MCTP2: variants seen among roughly 807,000 people sequenced by gnomAD.
MCTP2 encodes multiple C2 and transmembrane domain containing 2.
Under a neutral mutation model 111.6 loss-of-function variants are expected in MCTP2, and 132 were observed. That is an observed-to-expected ratio of 1.18 (90% CI 1.03 to 1.37). The LOEUF is 1.37. Among genes scored for constraint, MCTP2 ranks in the 40% most tolerant of loss-of-function variants. MCTP2 has a pLI of 0.00. For missense variants in MCTP2, 1,183 were observed against 1,067.9 expected (o/e 1.11, Z -1.50); for synonymous variants, 395 against 387.7 (o/e 1.02, Z -0.22).
intron 17 of MCTP2, among the ~76,000 whole-genome samples, chr15:94,415,349 T>C (rs1423167853): frequency 6.6e-6 from 1 of 152,146 alleles, no homozygotes; most frequent in Non-Finnish European, 1.5e-5. Context: ...AAACTCTGAA[T>C]TAGGAGTGAA....
chr15:94,470,163 C>CA (rs1412918938), intron 20 of MCTP2, among the ~76,000 whole-genome samples, 170 bp from the exon 21 acceptor site: 3 of 152,090 alleles, frequency 2.0e-5, no homozygotes, highest in Non-Finnish European at 4.4e-5. Context: ...AATGTTTTTC[C>CA]AGTACCCAAT....
intron 1 of MCTP2, among the ~76,000 whole-genome samples, chr15:94,290,500 T>C (rs576775731): frequency 6.6e-6 from 1 of 151,334 alleles, no homozygotes; most frequent in African/African-American, 2.4e-5. Flanking sequence ...ACAGAAAAAA[T>C]GAAAAACAGA....
chr15:94,315,232 C>T (rs778227526), intron 3 of MCTP2, among the ~76,000 whole-genome samples: 4 of 152,082 alleles, frequency 2.6e-5, no homozygotes, highest in Non-Finnish European at 5.9e-5. Context: ...ACAAGGGATC[C>T]TGCAGTAATT....
At chr15:94,265,861 C>G (rs1407318322) in intron 1 of MCTP2, among the ~76,000 whole-genome samples, 1 of 152,148 alleles carries the variant, frequency 6.6e-6, no homozygotes, top group African/African-American at 2.4e-5. Context: ...TTAGCAGAAG[C>G]AATGTAATTA....
chr15:94,234,162 A>C (rs374364956), intron 1 of MCTP2, among the ~76,000 whole-genome samples: 1 of 152,144 alleles, frequency 6.6e-6, no homozygotes, highest in East Asian at 1.9e-4. Flanking sequence ...AGGTGTTCTC[A>C]TGGGGAACCA....
Position 94,315,593 on chromosome 15 carries a change from T to C in MCTP2, c.593T>C (p.Ile198Thr), listed in dbSNP as rs776602463. The C allele has an allele frequency of 1.4e-5, 23 of 1,614,038 alleles. No homozygotes were observed. The highest frequency in any genetic ancestry group is 2.7e-5 in the African/African-American group (2 of 74,910). ...LPSPFAYLLT[I>T]HLKEGRNLVV... ...AGCCCTTTTGCGTACCTCCTCACCA[T>C]ACACCTGAAGGAAGGCCGGAACCTG... is the stretch of plus-strand genomic sequence containing the variant. Residue 198 changes from isoleucine to threonine, a missense_variant, in exon 4 of 23, where the codon ATA becomes ACA. Ile to Thr is a moderately conservative substitution (Grantham distance 89). Transcript: ENST00000357742.
chr15:94,317,692 ACT>A (rs1329348704), intron 4 of MCTP2, among the ~76,000 whole-genome samples: 2 of 151,906 alleles, frequency 1.3e-5, no homozygotes, highest in East Asian at 1.9e-4. Flanking sequence ...CTTTGCTGTG[ACT>A]CTCTACTGCT....
chr15:94,461,214 C>T (rs1016723765), intron 20 of MCTP2, among the ~76,000 whole-genome samples: 4 of 152,190 alleles, frequency 2.6e-5, no homozygotes, highest in Non-Finnish European at 2.9e-5. Flanking sequence ...AATCCCAGCA[C>T]TTTGGGAGGC....
rs944794621 is a variant in MCTP2 at position 94,479,432 on chromosome 15, C to T, written c.*398C>T. 1.4e-5 allele frequency: 3 copies of T among 208,560 alleles called. No individual in the cohort carries two copies. The highest frequency in any genetic ancestry group is 1.3e-4 in the South Asian group (1 of 7,780). The allele number at this position is 208,560 out of a possible 1,614,324, so 12.9% of individuals were successfully genotyped here. ...ACTCTCATTAAGATTCAGTTATTTCCGCTCCCCAGCCCCACACTCCTTTCA... is the reference window on the plus strand; with the variant it reads ...ACTCTCATTAAGATTCAGTTATTTCTGCTCCCCAGCCCCACACTCCTTTCA... On this transcript the variant is annotated 3_prime_UTR_variant, in exon 23 of 23. Coordinates refer to ENST00000357742, the MANE Select transcript of MCTP2 (RefSeq NM_001385001.1).
chr15:94,454,135 C>T (rs1409108365), intron 19 of MCTP2, among the ~76,000 whole-genome samples: 1 of 152,116 alleles, frequency 6.6e-6, no homozygotes, highest in Non-Finnish European at 1.5e-5. Flanking sequence ...GAAAACAAAG[C>T]TTTTGCAAGT....
At chr15:94,434,315 C>A (rs1382184345) in intron 17 of MCTP2, among the ~76,000 whole-genome samples, 1 of 151,950 alleles carries the variant, frequency 6.6e-6, no homozygotes, top group South Asian at 2.1e-4. Flanking sequence ...TGGCTTCAAA[C>A]AGACCTCCCA....
intron 16 of MCTP2, among the ~76,000 whole-genome samples, chr15:94,400,791 T>G (rs1375265633): frequency 6.6e-6 from 1 of 152,102 alleles, no homozygotes; most frequent in Non-Finnish European, 1.5e-5. Context: ...AGCTGTGGAT[T>G]ACATAAAGCA....
At chr15:94,279,809 A>G (rs2152311480) in intron 1 of MCTP2, among the ~76,000 whole-genome samples, 1 of 152,214 alleles carries the variant, frequency 6.6e-6, no homozygotes, top group Admixed American at 6.5e-5. Flanking sequence ...AGGGTTTTTA[A>G]CATGAAGGAT....
At chr15:94,240,595 T>G (rs1334305171) in intron 1 of MCTP2, among the ~76,000 whole-genome samples, 1 of 152,144 alleles carries the variant, frequency 6.6e-6, no homozygotes, top group African/African-American at 2.4e-5. Context: ...ACCACATCCA[T>G]GTAGACCTGG....
chr15:94,251,600 C>T (rs1355431023), intron 1 of MCTP2, among the ~76,000 whole-genome samples: 1 of 152,102 alleles, frequency 6.6e-6, no homozygotes, highest in Non-Finnish European at 1.5e-5. Context: ...GTCGGGTGAT[C>T]CACCTGCCTC....
At chr15:94,458,605 A>G (rs935429795) in intron 20 of MCTP2, among the ~76,000 whole-genome samples, 1 of 152,236 alleles carries the variant, frequency 6.6e-6, no homozygotes. Flanking sequence ...AGCCTTTGCT[A>G]TCTGAACCAC....
intron 14 of MCTP2, among the ~76,000 whole-genome samples, chr15:94,397,822 A>G (rs8042590): frequency 0.39 from 59,232 of 152,136 alleles, 13,849 homozygotes; most frequent in Non-Finnish European, 0.53. Context: ...TAGATTTCCT[A>G]TGCTATTGAA....
intron 1 of MCTP2, among the ~76,000 whole-genome samples, chr15:94,253,336 C>T (rs1241828976): frequency 2.6e-5 from 4 of 152,132 alleles, no homozygotes; most frequent in African/African-American, 4.8e-5. Context: ...GGCTCTTGCT[C>T]CTCTTTCCCT....
chr15:94,313,995 G>A (rs924314498), intron 2 of MCTP2, among the ~76,000 whole-genome samples: 9 of 152,220 alleles, frequency 5.9e-5, no homozygotes, highest in African/African-American at 1.9e-4. Context: ...GCTTTCTCTG[G>A]GAACAAAGCT....
Sources: gnomAD v4.1 joint callset for allele counts (sites outside exome capture counted in the v4.1 genomes callset) on GRCh38, gnomAD v4.1.1 for gene constraint, MANE v1.5 for transcripts, NCBI Gene and HGNC (gene_info 2026-07-23, HGNC 2026-07-21) for gene names.